ADAMTS12: variants seen among roughly 807,000 people sequenced by gnomAD.
ADAMTS12 encodes the protein A disintegrin and metalloproteinase with thrombospondin motifs 12.
ADAMTS12 carries 118 observed loss-of-function variants against 167.8 expected under a neutral mutation model. That is an observed-to-expected ratio of 0.70 (90% confidence interval 0.61 to 0.82). The LOEUF (loss-of-function observed/expected upper bound fraction) is 0.82. Among genes scored for constraint, ADAMTS12 ranks in the 40% least tolerant of loss-of-function variants. ADAMTS12 has a pLI of 0.00. For synonymous variants in ADAMTS12, 704 were observed against 716.9 expected (o/e 0.98, Z 0.29); for missense variants, 1,916 against 1,998.8 (o/e 0.96, Z 0.79).
At chr5:33,771,189 C>CGTCTAT (rs1187348941) in intron 2 of ADAMTS12, among the ~76,000 whole-genome samples, 1 of 152,142 alleles carries the variant, frequency 6.6e-6, no homozygotes, top group African/African-American at 2.4e-5. Context: ...ACATGATAGA[C>CGTCTAT]ACTCAACAAA....
chr5:33,600,202 T>A (rs1281356174), intron 16 of ADAMTS12, among the ~76,000 whole-genome samples: 1 of 152,242 alleles, frequency 6.6e-6, no homozygotes, highest in Non-Finnish European at 1.5e-5. Context: ...TGATTCTGAA[T>A]GCCTTTCCCC....
At chr5:33,725,985 G>A (rs143962577) in intron 3 of ADAMTS12, among the ~76,000 whole-genome samples, 1 of 152,176 alleles carries the variant, frequency 6.6e-6, no homozygotes, top group African/African-American at 2.4e-5. Flanking sequence ...CTCTTCTACT[G>A]TAAAACCAAG....
chr5:33,586,373 A>C lies in ADAMTS12; in HGVS notation c.2865+2226T>G, dbSNP rs187559003. 1.8e-3 allele frequency among the ~76,000 whole-genome samples: 273 copies of C among 152,340 alleles called. 3 individuals are homozygous for C. The highest frequency in any genetic ancestry group is 6.0e-3 in the African/African-American group (248 of 41,586). On this transcript the variant is annotated intron_variant, in intron 18 of 23. Coordinates refer to ENST00000504830, the MANE Select transcript of ADAMTS12 (RefSeq NM_030955.4). ...GATTTAACTAAAAGCACTTCCAATG[A>C]CATCTTCTGAATGAGGGCATTGGCC... is the stretch of plus-strand genomic sequence containing the variant.
At chr5:33,633,400 A>C (rs915268430) in intron 12 of ADAMTS12, among the ~76,000 whole-genome samples, 1 of 150,576 alleles carries the variant, frequency 6.6e-6, no homozygotes, top group Non-Finnish European at 1.5e-5. Context: ...TGTGTTGACT[A>C]TAAGTATAGT....
chr5:33,866,401 A>C (rs1050778717), intron 2 of ADAMTS12, among the ~76,000 whole-genome samples: 4 of 152,212 alleles, frequency 2.6e-5, no homozygotes. Flanking sequence ...CACATATAGA[A>C]GAATTAAACT....
At chr5:33,879,477 C>T (rs980075933) in intron 2 of ADAMTS12, among the ~76,000 whole-genome samples, 2 of 152,030 alleles carry the variant, frequency 1.3e-5, no homozygotes, top group African/African-American at 4.8e-5. Flanking sequence ...ATTGCAAAGG[C>T]GAGATGTGAT....
chr5:33,773,963 C>T (rs190223157), intron 2 of ADAMTS12, among the ~76,000 whole-genome samples: 3 of 152,252 alleles, frequency 2.0e-5, no homozygotes, highest in African/African-American at 7.2e-5. Flanking sequence ...CACTGCCATC[C>T]GCCTCACCTA....
intron 16 of ADAMTS12, among the ~76,000 whole-genome samples, chr5:33,600,010 T>A (rs1738112058): frequency 6.6e-6 from 1 of 152,212 alleles, no homozygotes; most frequent in Non-Finnish European, 1.5e-5. Context: ...TTTCCCTTTC[T>A]CTTCTATACT....
At chr5:33,618,797 T>C (rs1190816760) in intron 14 of ADAMTS12, among the ~76,000 whole-genome samples, 1 of 152,222 alleles carries the variant, frequency 6.6e-6, no homozygotes, top group African/African-American at 2.4e-5. Flanking sequence ...TGTGAAGCCA[T>C]CCACAACATT....
At chr5:33,540,658 C>T (rs1744651238) in intron 22 of ADAMTS12, among the ~76,000 whole-genome samples, 1 of 152,346 alleles carries the variant, frequency 6.6e-6, no homozygotes, top group South Asian at 2.1e-4. Flanking sequence ...ATTTGCTGCT[C>T]TGCAGCCTCT....
chr5:33,882,976 T>G (rs1750506110), intron 1 of ADAMTS12, among the ~76,000 whole-genome samples: 1 of 152,232 alleles, frequency 6.6e-6, no homozygotes, highest in Admixed American at 6.5e-5. Context: ...CTCGTGTAAC[T>G]TCCCCAACTA....
At chr5:33,732,461 T>C (rs1744227297) in intron 3 of ADAMTS12, among the ~76,000 whole-genome samples, 1 of 152,174 alleles carries the variant, frequency 6.6e-6, no homozygotes, top group Non-Finnish European at 1.5e-5. Flanking sequence ...AATTAAGAAA[T>C]TGCTAATAAT....
intron 19 of ADAMTS12, among the ~76,000 whole-genome samples, chr5:33,572,507 A>G (rs1051588406): frequency 1.3e-4 from 19 of 150,168 alleles, no homozygotes; most frequent in African/African-American, 4.7e-4. Context: ...CCACATGACT[A>G]TCTCAATAGA....
intron 2 of ADAMTS12, among the ~76,000 whole-genome samples, chr5:33,763,555 G>A (rs920717440): frequency 2.0e-5 from 3 of 152,160 alleles, no homozygotes; most frequent in Non-Finnish European, 4.4e-5. Flanking sequence ...AGCAGCCCTA[G>A]GAAACTAATA....
chr5:33,742,129 T>C (rs1744612452), intron 3 of ADAMTS12, among the ~76,000 whole-genome samples: 2 of 152,132 alleles, frequency 1.3e-5, no homozygotes, highest in South Asian at 4.2e-4. Context: ...TTAAAATTTC[T>C]TGAGGAAAAG....
chr5:33,679,189 CAG>C (rs1318662396), intron 5 of ADAMTS12, among the ~76,000 whole-genome samples: 2 of 152,230 alleles, frequency 1.3e-5, no homozygotes, highest in Non-Finnish European at 2.9e-5. Context: ...GGTCCAACAT[CAG>C]TGATATGTCC....
intron 2 of ADAMTS12, among the ~76,000 whole-genome samples, chr5:33,864,625 T>G (rs542692489): frequency 7.1e-4 from 108 of 152,286 alleles, no homozygotes; most frequent in Non-Finnish European, 2.4e-4. Flanking sequence ...AGAGAAAATG[T>G]GGCACATATG....
chr5:33,716,926 A>G (rs927510591), intron 3 of ADAMTS12, among the ~76,000 whole-genome samples: 5 of 152,164 alleles, frequency 3.3e-5, no homozygotes, highest in Admixed American at 6.5e-5. Context: ...TAATAGGACT[A>G]AATCCTACTC....
chr5:33,554,138 TTAAA>T (rs1745383918), intron 20 of ADAMTS12, among the ~76,000 whole-genome samples: 1 of 152,140 alleles, frequency 6.6e-6, no homozygotes, highest in South Asian at 2.1e-4. Context: ...CAAGAAAAGC[TTAAA>T]TAAAGGAGTC....
Sources: gnomAD v4.1 joint callset for allele counts (sites outside exome capture counted in the v4.1 genomes callset) on GRCh38, gnomAD v4.1.1 for gene constraint, MANE v1.5 for transcripts, NCBI Gene and HGNC (gene_info 2026-07-23, HGNC 2026-07-21) for gene names.